KCNAB2: variants seen among roughly 807,000 people sequenced by gnomAD.
The protein encoded by KCNAB2 is voltage-gated potassium channel subunit beta-2.
Under a neutral mutation model 63.6 loss-of-function variants are expected in KCNAB2, and 29 were observed. That is an observed-to-expected ratio of 0.46 (90% CI 0.34 to 0.62). KCNAB2 has a LOEUF of 0.62. KCNAB2 is among the 20% of genes least tolerant of loss of function. The pLI is 0.01. For synonymous variants in KCNAB2, 222 were observed against 224.2 expected (o/e 0.99, Z 0.09); for missense variants, 359 against 563.9 (o/e 0.64, Z 3.68).
chr1:6,089,854 C>T (rs968937202), intron 8 of KCNAB2, among the ~76,000 whole-genome samples: 1 of 152,212 alleles, frequency 6.6e-6, no homozygotes, highest in Non-Finnish European at 1.5e-5. Context: ...CCCACCACCA[C>T]ATCTGGTTAA....
At position 6,096,208 on chromosome 1, in the gene KCNAB2, A is replaced by G. The variant is rs1057463397; in HGVS notation, c.949-428A>G. 1.3e-5 allele frequency: 6 copies of G among 455,120 alleles called. No homozygotes were observed. The highest frequency in any genetic ancestry group is 2.4e-5 in the Admixed American group (1 of 42,100). 28.2% of individuals were successfully genotyped at this position (455,120 alleles called of 1,614,324 possible). A position where few individuals can be genotyped will look rare whatever the true frequency, so the allele number is the denominator to read the frequency against. On this transcript the variant is annotated intron_variant, in intron 13 of 15. Coordinates refer to ENST00000378083, the MANE Select transcript of KCNAB2 (RefSeq NM_001199862.2). The surrounding 1 kb of genome is among the most constrained non-coding windows in gnomAD (Gnocchi z 5.9). ...ACTCCTCCCATCCCATGGCAAGGTC[A>G]GGGCCCCCCTCCAGGAGGCCCTGCA... is the stretch of plus-strand genomic sequence containing the variant.
rs780111136 is a variant in KCNAB2, at chr1:6,078,719, G to T, written c.301-3476G>T. On this transcript the variant is annotated intron_variant, in intron 4 of 15. Coordinates refer to ENST00000378083, the MANE Select transcript of KCNAB2 (RefSeq NM_001199862.2). The surrounding 1 kb of genome is among the most constrained non-coding windows in gnomAD (Gnocchi z 4.2). ...TGATTTAAAAGGTCTGCCAAGGCTC[G>T]CCCTGGCTGCTGCACTGGGAATGGC... Among the ~76,000 whole-genome samples, 1 of 152,188 alleles carries T rather than the reference G, an allele frequency of 6.6e-6. No individual in the cohort carries two copies. The highest frequency in any genetic ancestry group is 1.5e-5 in the Non-Finnish European group (1 of 68,032).
rs1001588904 is a variant in KCNAB2 at position 6,028,872 on chromosome 1, C to T, written c.-52-11645C>T. ...TACAAGGTGATCATTCTTAAGACCT[C>T]GGGGATCTGCAAACCAGCCTTCTGG... On this transcript the variant is annotated intron_variant, in intron 1 of 16. Transcript: ENST00000341524. The surrounding 1 kb of genome is among the most constrained non-coding windows in gnomAD (Gnocchi z 4.0). Among the ~76,000 whole-genome samples the T allele has an allele frequency of 6.6e-6, 1 of 152,208 alleles. No individual in the cohort carries two copies. The highest frequency in any genetic ancestry group is 1.5e-5 in the Non-Finnish European group (1 of 68,042).
intron 1 of KCNAB2, among the ~76,000 whole-genome samples, chr1:6,019,523 G>A (rs1658699253): frequency 2.0e-5 from 3 of 152,266 alleles, no homozygotes; most frequent in Middle Eastern, 6.8e-3. Flanking sequence ...GAGTGGCAGG[G>A]TGCTGATGTT....
Position 6,037,755 on chromosome 1 carries a change from C to T in KCNAB2, c.-52-2762C>T, listed in dbSNP as rs181372861. ...TCAAAGAGAGGCTGCCTTTGAGGCCCCTCCAGCCCCCCAGTGCTGCAGGGA... is the reference window on the plus strand; with the variant it reads ...TCAAAGAGAGGCTGCCTTTGAGGCCTCTCCAGCCCCCCAGTGCTGCAGGGA... On this transcript the variant is annotated intron_variant, in intron 1 of 15. Coordinates refer to the KCNAB2 transcript ENST00000164247. Among the ~76,000 whole-genome samples, 143 of 152,262 alleles carry T rather than the reference C, an allele frequency of 9.4e-4. 1 individual carries two copies. The highest frequency in any genetic ancestry group is 3.3e-3 in the African/African-American group (139 of 41,526).
chr1:6,077,185 C>CAA lies in KCNAB2; in HGVS notation c.300+3424_300+3425dup, dbSNP rs59008198. Among the ~76,000 whole-genome samples, 7 of 146,186 alleles carry CAA rather than the reference C, an allele frequency of 4.8e-5. No individual in the cohort carries two copies. The East Asian group carries it at 6.0e-4, about 12-fold the overall frequency. On this transcript the variant is annotated intron_variant, in intron 4 of 15. Transcript: ENST00000378083. ...TGGATGACAGAGCGACACTCCATCT[C>CAA]AAAAAAAAAAGAAAAGCATGTTTTG...
At chr1:6,019,510 A>G (rs370425549) in intron 1 of KCNAB2, among the ~76,000 whole-genome samples, 1 of 152,164 alleles carries the variant, frequency 6.6e-6, no homozygotes, top group East Asian at 1.9e-4. Flanking sequence ...CACCATTAAA[A>G]GAGAGTGGCA....
Position 6,089,061 on chromosome 1 carries a change from C to T in KCNAB2, c.514+10C>T, listed in dbSNP as rs1175974083. ...AAGCACATAATCGAAGGTGAGGACG[C>T]GCTCGGGCACCTCAGGGCCCCCATA... is the stretch of plus-strand genomic sequence containing the variant. On this transcript the variant is annotated intron_variant, in intron 8 of 15. Coordinates refer to ENST00000378083, the MANE Select transcript of KCNAB2 (RefSeq NM_001199862.2). The T allele has an allele frequency of 3.9e-6, 6 of 1,548,548 alleles. No individual in the cohort carries two copies. The highest frequency in any genetic ancestry group is 1.2e-5 in the South Asian group (1 of 83,866).
chr1:6,042,227 A>G (rs569209219), upstream of KCNAB2, among the ~76,000 whole-genome samples: 2 of 152,300 alleles, frequency 1.3e-5, no homozygotes, highest in African/African-American at 2.4e-5. Flanking sequence ...CCCTGCTTCC[A>G]TTATCAGAGT....
At chr1:6,030,523 GTGTA>G (rs376687213), upstream of KCNAB2, among the ~76,000 whole-genome samples, 1,738 of 149,222 alleles carry the variant, frequency 0.012, 31 homozygotes, top group African/African-American at 0.04. Flanking sequence ...GTATGTATGT[GTGTA>G]TGTGTGTGTA....
chr1:6,028,411 G>C lies in KCNAB2; in HGVS notation c.-52-12106G>C, dbSNP rs559390574. The stretch of plus-strand genomic sequence containing the variant: ...TCACGGCAGATACTTCGGGGGCTTG[G>C]CAGGGGGGACCTCCGGGGTTCCAGA... On this transcript the variant is annotated intron_variant, in intron 1 of 16. Transcript: ENST00000341524. The surrounding 1 kb of genome is among the most constrained non-coding windows in gnomAD (Gnocchi z 4.0). Among the ~76,000 whole-genome samples, 40 of 152,314 alleles carry C rather than the reference G, an allele frequency of 2.6e-4. No homozygotes were observed. Among genetic ancestry groups the C allele is most frequent in the Admixed American group, 5.2e-4 (8 of 15,308 alleles).
At chr1:6,031,773 CA>C (rs1307623712), upstream of KCNAB2, among the ~76,000 whole-genome samples, 2 of 151,772 alleles carry the variant, frequency 1.3e-5, no homozygotes, top group Non-Finnish European at 2.9e-5. The surrounding 1 kb of genome is among the most constrained non-coding windows in gnomAD (Gnocchi z 4.1). Context: ...TCTCTGATCC[CA>C]GCTAATTGGG....
At chr1:6,037,179 C>T (rs1469958002) in intron 1 of KCNAB2, among the ~76,000 whole-genome samples, 1 of 152,192 alleles carries the variant, frequency 6.6e-6, no homozygotes, top group Non-Finnish European at 1.5e-5. Context: ...GGACCCCCAC[C>T]CTATGTTCAT....
intron 2 of KCNAB2, among the ~76,000 whole-genome samples, chr1:6,053,899 C>T (rs1238291814): frequency 6.6e-6 from 1 of 151,842 alleles, no homozygotes; most frequent in African/African-American, 2.4e-5. Context: ...AAAAATTAGC[C>T]AGGCATGGTG....
At chr1:6,027,848 TCAGGA>T (rs1409086623) in intron 1 of KCNAB2, among the ~76,000 whole-genome samples, 5 of 152,218 alleles carry the variant, frequency 3.3e-5, no homozygotes, top group Admixed American at 2.6e-4. Flanking sequence ...GGCTCAGGCC[TCAGGA>T]GATTGGAGGA....
chr1:6,094,649 G>A (rs1382587932), intron 11 of KCNAB2, among the ~76,000 whole-genome samples, 164 bp downstream of exon 11: 1 of 152,256 alleles, frequency 6.6e-6, no homozygotes, highest in Non-Finnish European at 1.5e-5. Context: ...GGTTATGTCT[G>A]TAGGCCTTGC....
At chr1:6,020,547 C>T (rs1030414892) in intron 1 of KCNAB2, among the ~76,000 whole-genome samples, 4 of 152,154 alleles carry the variant, frequency 2.6e-5, no homozygotes, top group Non-Finnish European at 4.4e-5. Flanking sequence ...CTCCTGGACT[C>T]GGGTTATGGA....
intron 4 of KCNAB2, among the ~76,000 whole-genome samples, chr1:6,081,983 CTTT>C (rs962598060): frequency 6.6e-5 from 10 of 152,182 alleles, no homozygotes; most frequent in African/African-American, 2.2e-4. Context: ...CTTTTGCCTT[CTTT>C]ATTCTTCTCA....
intron 5 of KCNAB2, among the ~76,000 whole-genome samples, chr1:6,083,302 C>T (rs762207808): frequency 5.3e-5 from 8 of 152,202 alleles, no homozygotes; most frequent in African/African-American, 1.2e-4. Flanking sequence ...CCCACCTCTT[C>T]GCTGCCTGCT....
Sources: gnomAD v4.1 joint callset for allele counts (sites outside exome capture counted in the v4.1 genomes callset) on GRCh38, gnomAD v4.1.1 for gene constraint, Gnocchi (gnomAD v3.1) non-coding constraint, MANE v1.5 for transcripts, NCBI Gene and HGNC (gene_info 2026-07-23, HGNC 2026-07-21) for gene names.